The following LYPD6B variants were observed in gnomAD, a reference collection of about 807,000 sequenced individuals.
LYPD6B encodes LY6/PLAUR domain containing 6B, also known as ly6/PLAUR domain-containing protein 6B.
In LYPD6B, 17 loss-of-function variants were observed where a neutral mutation model predicts 22.8. The ratio of observed to expected loss-of-function variants is 0.75; its 90% CI spans 0.51 to 1.12. LYPD6B has a LOEUF of 1.12. LYPD6B is among the 50% of genes most tolerant of loss of function. LYPD6B has a pLI of 0.00. For synonymous variants in LYPD6B, 106 were observed against 91.6 expected (o/e 1.16, Z -0.90); for missense variants, 221 against 258.3 (o/e 0.86, Z 0.99).
chr2:149,161,413 G>C (rs575156995), intron 3 of LYPD6B: 2 of 153,616 alleles, frequency 1.3e-5, no homozygotes, highest in South Asian at 4.1e-4. Context: ...ATTGATGATT[G>C]CTTTTTACTT....
chr2:149,109,945 A>G (rs1450036612), intron 1 of LYPD6B, among the ~76,000 whole-genome samples: 1 of 152,096 alleles, frequency 6.6e-6, no homozygotes, highest in African/African-American at 2.4e-5. Flanking sequence ...TCCTGACCTC[A>G]AGTTATACAC....
chr2:149,039,816 T>C (rs1355183664), intron 1 of LYPD6B, among the ~76,000 whole-genome samples: 2 of 152,190 alleles, frequency 1.3e-5, no homozygotes, highest in Non-Finnish European at 2.9e-5. Flanking sequence ...GGGCTGCCAG[T>C]GCACGGGCCC....
At chr2:149,173,309 C>T (rs1015683073) in intron 3 of LYPD6B, among the ~76,000 whole-genome samples, 10 of 129,214 alleles carry the variant, frequency 7.7e-5, no homozygotes, top group African/African-American at 2.3e-4. Flanking sequence ...TTATATTTAA[C>T]ATCTTGTTGA....
At chr2:149,187,031 A>G (rs1469895354) in intron 3 of LYPD6B, among the ~76,000 whole-genome samples, 1 of 152,250 alleles carries the variant, frequency 6.6e-6, no homozygotes, top group African/African-American at 2.4e-5. Context: ...CTTAAGGCTC[A>G]GATGATAGGT....
chr2:149,095,861 C>G (rs1288006875), intron 1 of LYPD6B, among the ~76,000 whole-genome samples: 1 of 150,890 alleles, frequency 6.6e-6, no homozygotes, highest in Non-Finnish European at 1.5e-5. Context: ...GACAGAGAGA[C>G]CATAGGCAGA....
chr2:149,065,402 G>A (rs1453855141), intron 1 of LYPD6B, among the ~76,000 whole-genome samples: 1 of 152,190 alleles, frequency 6.6e-6, no homozygotes, highest in Non-Finnish European at 1.5e-5. Flanking sequence ...GTAAGGACAT[G>A]ACTAAGCATT....
chr2:149,198,014 C>G (rs1193734062), intron 3 of LYPD6B, among the ~76,000 whole-genome samples: 1 of 151,514 alleles, frequency 6.6e-6, no homozygotes, highest in Non-Finnish European at 1.5e-5. Flanking sequence ...GTTTCTAATT[C>G]CTAAACATCT....
intron 1 of LYPD6B, among the ~76,000 whole-genome samples, chr2:149,055,074 A>G (rs1683728895): frequency 6.6e-6 from 1 of 152,176 alleles, no homozygotes; most frequent in South Asian, 2.1e-4. Context: ...TGTATAGAGT[A>G]TGAGTTAGGA....
At chr2:149,182,519 C>T (rs555549864) in intron 3 of LYPD6B, among the ~76,000 whole-genome samples, 2 of 152,286 alleles carry the variant, frequency 1.3e-5, no homozygotes, top group East Asian at 3.9e-4. Flanking sequence ...GGATTTAAAA[C>T]AGACATGGAA....
intron 3 of LYPD6B, among the ~76,000 whole-genome samples, chr2:149,183,888 T>G (rs1219612490): frequency 6.6e-6 from 1 of 151,830 alleles, no homozygotes; most frequent in Non-Finnish European, 1.5e-5. Context: ...TATGCCTGTA[T>G]TTTCAGTTTT....
intron 1 of LYPD6B, among the ~76,000 whole-genome samples, chr2:149,129,091 C>A (rs1979482): frequency 0.6 from 90,403 of 151,906 alleles, 27,249 homozygotes; most frequent in East Asian, 0.91. Context: ...TGTGGGGTTG[C>A]TTGCATGCTT....
At chr2:149,130,461 G>A (rs762762845) in intron 1 of LYPD6B, among the ~76,000 whole-genome samples, 5 of 152,122 alleles carry the variant, frequency 3.3e-5, no homozygotes, top group African/African-American at 4.8e-5. Context: ...TTAGGTACCT[G>A]ACAAATTCTG....
chr2:149,175,507 G>A (rs1356929338), intron 3 of LYPD6B, among the ~76,000 whole-genome samples: 4 of 151,638 alleles, frequency 2.6e-5, no homozygotes, highest in South Asian at 2.1e-4. Flanking sequence ...ACTATACTTA[G>A]GCTACACTAA....
chr2:149,191,678 A>G lies in LYPD6B; in HGVS notation c.78-13575A>G, dbSNP rs113382755. ...ATACTATATAAAAATTGAAAAAATT[A>G]TAATTTACAATGCAGCCTTTTCAGG... On this transcript the variant is annotated intron_variant, in intron 3 of 6. Coordinates refer to ENST00000409642, the MANE Select transcript of LYPD6B (RefSeq NM_177964.5). Among the ~76,000 whole-genome samples the G allele has an allele frequency of 4.3e-4, 66 of 152,352 alleles. 1 individual carries two copies. The highest frequency in any genetic ancestry group is 1.4e-3 in the African/African-American group (58 of 41,582).
At chr2:149,114,597 G>A (rs1267055528) in intron 1 of LYPD6B, among the ~76,000 whole-genome samples, 2 of 152,186 alleles carry the variant, frequency 1.3e-5, no homozygotes, top group African/African-American at 2.4e-5. Context: ...ACACACTACT[G>A]TTCTAAGGGC....
At chr2:149,057,268 G>T (rs991512521) in intron 1 of LYPD6B, among the ~76,000 whole-genome samples, 29 of 151,960 alleles carry the variant, frequency 1.9e-4, no homozygotes, top group African/African-American at 7.0e-4. Flanking sequence ...TGGCAAAATG[G>T]AATGCAAAAC....
At chr2:149,175,041 C>T (rs1461647813) in intron 3 of LYPD6B, among the ~76,000 whole-genome samples, 1 of 129,540 alleles carries the variant, frequency 7.7e-6, no homozygotes, top group Non-Finnish European at 1.7e-5. Context: ...CTCTCTCTCT[C>T]TCTCTCTCTC....
intron 3 of LYPD6B, among the ~76,000 whole-genome samples, chr2:149,196,948 C>T (rs114809698): frequency 0.015 from 2,337 of 152,300 alleles, 73 homozygotes; most frequent in African/African-American, 0.053. Context: ...TACACTCCTC[C>T]ACTCAACCAA....
In LYPD6B at chr2:149,154,014, G is replaced by A. The variant is rs73965809; in HGVS notation, c.6-6750G>A. 3.0e-3 allele frequency: 2,820 copies of A among 944,812 alleles called. 61 individuals carry two copies. The African/African-American group carries it at 0.047, about 16-fold the overall frequency. The allele number at this position is 944,812 out of a possible 1,614,324, so 58.5% of individuals were successfully genotyped here. ...AATTCAGCCTGGCTCCTGACTAGGA[G>A]GATGGTGATTCTAATAATGAAGAGA... On this transcript the variant is annotated intron_variant, in intron 2 of 6. Transcript: ENST00000409642.
Sources: gnomAD v4.1 joint callset for allele counts (sites outside exome capture counted in the v4.1 genomes callset) on GRCh38, gnomAD v4.1.1 for gene constraint, MANE v1.5 for transcripts, NCBI Gene and HGNC (gene_info 2026-07-23, HGNC 2026-07-21) for gene names.